The following ENTREP2 variants were observed in gnomAD, a reference collection of about 807,000 sequenced individuals.
The protein encoded by ENTREP2 is endosomal transmembrane epsin interactor 2, also known as protein ENTREP2.
chr15:29,635,580 A>G, the ENTREP2 span, among the ~76,000 whole-genome samples: 1 of 152,202 alleles, frequency 6.6e-6, no homozygotes, highest in Admixed American at 6.5e-5. Flanking sequence ...GCCAAGGAAT[A>G]GCGAGAGAAG....
the ENTREP2 span, among the ~76,000 whole-genome samples, chr15:29,461,783 C>A: frequency 6.6e-6 from 1 of 152,020 alleles, no homozygotes; most frequent in Middle Eastern, 3.2e-3. Context: ...ATCATTTTCA[C>A]CAGTTTTTAA....
the ENTREP2 span, chr15:29,123,042 G>C: frequency 8.1e-6 from 3 of 371,104 alleles, no homozygotes; most frequent in African/African-American, 6.0e-5. Context: ...ACACTGCTCA[G>C]TTCAAGGTGC....
the ENTREP2 span, among the ~76,000 whole-genome samples, chr15:29,623,500 G>C: frequency 6.6e-6 from 1 of 152,202 alleles, no homozygotes; most frequent in East Asian, 1.9e-4. Flanking sequence ...CGTGAAAAAT[G>C]AGGTTTGAAC....
At chr15:29,345,715 C>T in the ENTREP2 span, among the ~76,000 whole-genome samples, 1 of 151,814 alleles carries the variant, frequency 6.6e-6, no homozygotes, top group Admixed American at 6.6e-5. Flanking sequence ...CTCACACCTG[C>T]TTCCTTGTCC....
chr15:29,380,471 GCTGT>G, the ENTREP2 span, among the ~76,000 whole-genome samples: 1 of 152,092 alleles, frequency 6.6e-6, no homozygotes, highest in Non-Finnish European at 1.5e-5. Flanking sequence ...AAAATGCCAC[GCTGT>G]CTTTTTCATT....
the ENTREP2 span, among the ~76,000 whole-genome samples, chr15:29,471,566 GT>G: frequency 3.3e-5 from 5 of 152,172 alleles, no homozygotes; most frequent in African/African-American, 1.2e-4. Context: ...AATAAAGGGA[GT>G]AGCAAAGCTC....
At chr15:29,245,025 A>G in the ENTREP2 span, among the ~76,000 whole-genome samples, 1 of 152,212 alleles carries the variant, frequency 6.6e-6, no homozygotes, top group African/African-American at 2.4e-5. Flanking sequence ...GCAAAACAAG[A>G]TGTACAGATA....
At chr15:29,238,941 G>A in the ENTREP2 span, among the ~76,000 whole-genome samples, 1 of 151,982 alleles carries the variant, frequency 6.6e-6, no homozygotes, top group Non-Finnish European at 1.5e-5. Context: ...CCAACACTGG[G>A]GATTACAATT....
chr15:29,591,590 T>G, the ENTREP2 span, among the ~76,000 whole-genome samples: 1 of 152,084 alleles, frequency 6.6e-6, no homozygotes, highest in Non-Finnish European at 1.5e-5. Context: ...CCAAAATGAC[T>G]GGTATCCTCA....
At chr15:29,211,669 C>T in the ENTREP2 span, among the ~76,000 whole-genome samples, 2 of 152,058 alleles carry the variant, frequency 1.3e-5, no homozygotes, top group Non-Finnish European at 2.9e-5. Context: ...CCGATTTTGC[C>T]GAGAGTTTTA....
At chr15:29,662,210 G>A in the ENTREP2 span, among the ~76,000 whole-genome samples, 379 of 49,406 alleles carry the variant, frequency 7.7e-3, 2 homozygotes, top group Non-Finnish European at 6.9e-3. Flanking sequence ...AAACCCTGTC[G>A]CAAAAAAAAA....
chr15:29,253,868 T>C, the ENTREP2 span, among the ~76,000 whole-genome samples: 2 of 152,130 alleles, frequency 1.3e-5, no homozygotes, highest in Admixed American at 1.3e-4. Flanking sequence ...AGAATACATA[T>C]AGAGACACAG....
At chr15:29,478,019 A>ATATATATATT in the ENTREP2 span, among the ~76,000 whole-genome samples, 1 of 54,280 alleles carries the variant, frequency 1.8e-5, no homozygotes, top group African/African-American at 9.0e-5. Context: ...ATATATATAT[A>ATATATATATT]TTTTTTTTTT....
chr15:29,155,136 G>A, the ENTREP2 span, among the ~76,000 whole-genome samples: 1 of 147,056 alleles, frequency 6.8e-6, no homozygotes, highest in African/African-American at 2.4e-5. Context: ...CAAAAAATTA[G>A]TCGGGCGTGG....
At chr15:29,262,012 G>A in the ENTREP2 span, among the ~76,000 whole-genome samples, 1 of 116,654 alleles carries the variant, frequency 8.6e-6, no homozygotes, top group East Asian at 2.5e-4. Context: ...CAATAAAAAA[G>A]ATCAATACAA....
the ENTREP2 span, among the ~76,000 whole-genome samples, chr15:29,601,525 T>C: frequency 1.4e-4 from 21 of 152,202 alleles, no homozygotes; most frequent in African/African-American, 4.8e-4. Context: ...TGTAAGTTTA[T>C]TGTCAATAAG....
the ENTREP2 span, among the ~76,000 whole-genome samples, chr15:29,656,372 T>A: frequency 6.6e-6 from 1 of 151,904 alleles, no homozygotes; most frequent in Non-Finnish European, 1.5e-5. Context: ...ACTACAGACA[T>A]CCATCACCAC....
At chr15:29,309,882 C>T in the ENTREP2 span, among the ~76,000 whole-genome samples, 36,699 of 151,658 alleles carry the variant, frequency 0.24, 9,171 homozygotes, top group African/African-American at 0.65. Context: ...GTGCTTGAAG[C>T]CTGGCATGCA....
chr15:29,269,216 C>T, the ENTREP2 span: 9 of 1,613,990 alleles, frequency 5.6e-6, no homozygotes, highest in East Asian at 1.8e-4. Context: ...ATCTCGGCAT[C>T]CTCCTCCACA....
Sources: allele counts gnomAD v4.1 joint callset (sites outside exome capture counted in the v4.1 genomes callset), GRCh38; gene constraint gnomAD v4.1.1; transcripts MANE v1.5; gene names NCBI Gene and HGNC (gene_info 2026-07-23, HGNC 2026-07-21).